CACNB2: variants seen among roughly 807,000 people sequenced by gnomAD.
CACNB2 encodes the protein calcium voltage-gated channel auxiliary subunit beta 2.
A neutral mutation model predicts 73.3 loss-of-function variants in CACNB2; 42 were observed. The observed-to-expected ratio is 0.57, with a 90% CI of 0.45 to 0.74. The LOEUF is 0.74. Among genes scored for constraint, CACNB2 ranks in the 30% least tolerant of loss-of-function variants. CACNB2 has a pLI of 0.00. For missense variants in CACNB2, 940 were observed against 853.0 expected, an observed-to-expected ratio of 1.10 and a Z score of -1.27; for synonymous variants, 348 against 310.3, an observed-to-expected ratio of 1.12 and a Z score of -1.28.
intron 2 of CACNB2, among the ~76,000 whole-genome samples, chr10:18,374,262 T>C (rs2042702407): frequency 6.6e-6 from 1 of 152,132 alleles, no homozygotes; most frequent in Admixed American, 6.5e-5. Flanking sequence ...AGAAAGTCAG[T>C]GGATGAAGAG....
Position 18,542,888 on chromosome 10 carries a change from T to G in CACNB2, c.*3164T>G, listed in dbSNP as rs943459678. ...TGGAAATGTATTTAATAGTTTTTTT[T>G]TTTTTTTTTTTTGGTCATATCCATT... On this transcript the variant is annotated 3_prime_UTR_variant, in exon 14 of 14. Transcript: ENST00000324631. 1.3e-5 allele frequency: 2 copies of G among 151,520 alleles called. No individual in the cohort carries two copies. The highest frequency in any genetic ancestry group is 2.4e-5 in the African/African-American group (1 of 41,264). The allele number at this position is 151,520 out of a possible 1,614,324, so 9.4% of individuals were successfully genotyped here. A position where few individuals can be genotyped will look rare whatever the true frequency, so the allele number is the denominator to read the frequency against.
chr10:18,400,638 TA>T, intron 2 of CACNB2: 2 of 995,080 alleles, frequency 2.0e-6, no homozygotes, highest in Middle Eastern at 4.8e-4. Flanking sequence ...GTTTTTGCAC[TA>T]GTTTTTTTTT....
intron 2 of CACNB2, among the ~76,000 whole-genome samples, chr10:18,325,067 G>A (rs1219096693): frequency 6.6e-6 from 1 of 152,178 alleles, no homozygotes; most frequent in African/African-American, 2.4e-5. Context: ...TTGGAACAAG[G>A]GACACCACAT....
At chr10:18,435,107 A>G (rs2046069118) in intron 3 of CACNB2, among the ~76,000 whole-genome samples, 1 of 152,086 alleles carries the variant, frequency 6.6e-6, no homozygotes, top group Admixed American at 6.6e-5. Flanking sequence ...TGCCTTCTGC[A>G]TGTCACACAA....
chr10:18,407,109 C>CTTTTTTTTTTTGTTTTTTTTTTTTTT (rs2044334490), intron 3 of CACNB2, among the ~76,000 whole-genome samples: 1 of 35,572 alleles, frequency 2.8e-5, no homozygotes, highest in Non-Finnish European at 5.2e-5. Context: ...GCTGTTCTGT[C>CTTTTTTTTTTTGTTTTTTTTTTTTTT]TTTTTTTTTT....
At chr10:18,533,105 G>C (rs1041048531) in intron 10 of CACNB2, 1 of 152,138 alleles carries the variant, frequency 6.6e-6, no homozygotes, top group African/African-American at 2.4e-5. Flanking sequence ...AACGGCCTAA[G>C]AGGAATTAAA....
chr10:18,299,241 T>C (rs1300391505), intron 2 of CACNB2, among the ~76,000 whole-genome samples: 1 of 152,186 alleles, frequency 6.6e-6, no homozygotes, highest in Non-Finnish European at 1.5e-5. Context: ...GTTCTCTTTC[T>C]TTCTCAGAAG....
intron 3 of CACNB2, among the ~76,000 whole-genome samples, chr10:18,460,127 G>C (rs1198999286): frequency 6.6e-6 from 1 of 152,102 alleles, no homozygotes; most frequent in African/African-American, 2.4e-5. Context: ...TTCTCAAATG[G>C]CAAGTGGGAT....
intron 2 of CACNB2, among the ~76,000 whole-genome samples, chr10:18,349,140 C>G (rs2041599830): frequency 6.6e-6 from 1 of 152,154 alleles, no homozygotes; most frequent in Non-Finnish European, 1.5e-5. Context: ...GGACCTCAGC[C>G]TTTCTTCACT....
intron 3 of CACNB2, among the ~76,000 whole-genome samples, chr10:18,443,023 T>TAC (rs1357775405): frequency 1.0e-5 from 1 of 97,090 alleles, no homozygotes. Context: ...TGTATATATA[T>TAC]ATATATATAT....
intron 2 of CACNB2, among the ~76,000 whole-genome samples, chr10:18,300,962 C>G (rs902836151): frequency 2.6e-5 from 4 of 152,114 alleles, no homozygotes; most frequent in African/African-American, 9.7e-5. Context: ...ATAGGATTTC[C>G]TAAGGACTAG....
intron 2 of CACNB2, among the ~76,000 whole-genome samples, chr10:18,376,613 T>C (rs897276649): frequency 4.6e-5 from 7 of 152,170 alleles, no homozygotes; most frequent in African/African-American, 1.4e-4. Context: ...AGAGTGGTTT[T>C]AGGGTGAGGA....
rs1246545075 is a variant in CACNB2 at position 18,539,951 on chromosome 10, G to A, written c.*227G>A. On this transcript the variant is annotated 3_prime_UTR_variant, in exon 14 of 14. Coordinates refer to ENST00000324631, the MANE Select transcript of CACNB2 (RefSeq NM_201596.3). ...GGCCTGGTATGGCTGCAGTCCTCCG[G>A]TTGCATACTGGACTCTTCAAAAACT... The A allele has an allele frequency of 9.8e-6, 5 of 511,086 alleles. No homozygotes were observed. The highest frequency in any genetic ancestry group is 1.9e-5 in the African/African-American group (1 of 51,978). The allele number at this position is 511,086 out of a possible 1,614,324, so 31.7% of individuals were successfully genotyped here.
rs1472956689 is a variant in CACNB2 at position 18,543,289 on chromosome 10, G to A, written c.*3565G>A. 3 of 151,852 alleles carry A rather than the reference G, an allele frequency of 2.0e-5. No individual in the cohort carries two copies. In the East Asian group the frequency reaches 5.8e-4, roughly 29 times the overall value. The allele number at this position is 151,852 out of a possible 1,614,324, so 9.4% of individuals were successfully genotyped here. A position where few individuals can be genotyped will look rare whatever the true frequency, so the allele number is the denominator to read the frequency against. On this transcript the variant is annotated 3_prime_UTR_variant, in exon 14 of 14. Coordinates refer to ENST00000324631, the MANE Select transcript of CACNB2 (RefSeq NM_201596.3). ...GTTCCTTTAGTAATCTTCCTATTATGTCTGATTAAAAAAAAAGATACCTCC... is the reference window on the plus strand; with the variant it reads ...GTTCCTTTAGTAATCTTCCTATTATATCTGATTAAAAAAAAAGATACCTCC...
chr10:18,537,247 C>G (rs1041986406), intron 12 of CACNB2, among the ~76,000 whole-genome samples: 2 of 152,048 alleles, frequency 1.3e-5, no homozygotes, highest in Non-Finnish European at 2.9e-5. Flanking sequence ...CTTGGCCTCC[C>G]AAAGTGCTGG....
chr10:18,471,252 G>C (rs2048173499), intron 3 of CACNB2, among the ~76,000 whole-genome samples: 1 of 152,144 alleles, frequency 6.6e-6, no homozygotes, highest in Non-Finnish European at 1.5e-5. Context: ...GTTGCATTGA[G>C]CCAAGATCAT....
intron 1 of CACNB2, among the ~76,000 whole-genome samples, chr10:18,149,853 A>G (rs370740057): frequency 2.2e-4 from 33 of 152,182 alleles, no homozygotes; most frequent in African/African-American, 7.5e-4. Flanking sequence ...AGTCCTTACC[A>G]TGTGTTAGAT....
chr10:18,193,371 T>C (rs193164261), intron 2 of CACNB2, among the ~76,000 whole-genome samples: 36 of 152,246 alleles, frequency 2.4e-4, no homozygotes, highest in Admixed American at 8.5e-4. Context: ...TATTTTCTAG[T>C]TTTTCGATTA....
intron 2 of CACNB2, among the ~76,000 whole-genome samples, chr10:18,334,541 G>C (rs535454086): frequency 1.3e-5 from 2 of 152,142 alleles, no homozygotes; most frequent in Non-Finnish European, 2.9e-5. Flanking sequence ...GACATAAAGG[G>C]CACCTTCATT....
Sources: allele counts gnomAD v4.1 joint callset (sites outside exome capture counted in the v4.1 genomes callset), GRCh38; gene constraint gnomAD v4.1.1; transcripts MANE v1.5; gene names NCBI Gene and HGNC (gene_info 2026-07-23, HGNC 2026-07-21).